Variants in KHDRBS2 observed in about 807,000 individuals in gnomAD.
KHDRBS2 encodes KH domain-containing, RNA-binding, signal transduction-associated protein 2.
A neutral mutation model predicts 44.3 loss-of-function variants in KHDRBS2; 26 were observed. The observed-to-expected ratio is 0.59, with a 90% confidence interval of 0.43 to 0.81. The LOEUF is 0.81. Ranked by LOEUF, KHDRBS2 falls within the 40% of genes least tolerant of loss-of-function variation. The pLI, the probability that KHDRBS2 is intolerant of heterozygous loss-of-function variation, is 0.00. For synonymous variants in KHDRBS2, 194 were observed against 151.1 expected (o/e 1.28, Z -2.08); for missense variants, 476 against 433.1 (o/e 1.10, Z -0.88).
intron 5 of KHDRBS2, among the ~76,000 whole-genome samples, chr6:61,898,235 A>C (rs1399703950): frequency 6.6e-6 from 1 of 151,996 alleles, no homozygotes; most frequent in Non-Finnish European, 1.5e-5. Context: ...AAGTTCTCTT[A>C]TTAATAAGAT....
chr6:61,954,410 C>T (rs962802501), intron 4 of KHDRBS2, among the ~76,000 whole-genome samples: 7 of 82,084 alleles, frequency 8.5e-5, no homozygotes, highest in African/African-American at 2.0e-4. Context: ...TGTATGCATG[C>T]ATACATATAT....
intron 1 of KHDRBS2, among the ~76,000 whole-genome samples, chr6:62,267,167 G>A (rs550952454): frequency 3.9e-5 from 6 of 152,142 alleles, no homozygotes; most frequent in South Asian, 4.1e-4. Flanking sequence ...ACAATCATCA[G>A]AAAAGGACAT....
chr6:61,956,196 A>G (rs79305875), intron 4 of KHDRBS2, among the ~76,000 whole-genome samples: 5 of 151,312 alleles, frequency 3.3e-5, no homozygotes, highest in African/African-American at 1.2e-4. Flanking sequence ...CCTTGTCAAA[A>G]AAAAACAAAA....
intron 1 of KHDRBS2, among the ~76,000 whole-genome samples, chr6:62,250,461 T>C (rs1377214835): frequency 6.6e-6 from 1 of 151,908 alleles, no homozygotes; most frequent in Non-Finnish European, 1.5e-5. Flanking sequence ...TAGGAAACAT[T>C]TCAGATATAG....
At chr6:61,598,532 AAGTC>A in the KHDRBS2 span, among the ~76,000 whole-genome samples, 6 of 152,224 alleles carry the variant, frequency 3.9e-5, no homozygotes, top group Admixed American at 3.3e-4. Flanking sequence ...TTAAAAGAGA[AAGTC>A]AGTAAGACAG....
At chr6:62,009,942 C>A (rs966742987) in intron 3 of KHDRBS2, among the ~76,000 whole-genome samples, 1 of 152,104 alleles carries the variant, frequency 6.6e-6, no homozygotes, top group African/African-American at 2.4e-5. Context: ...GGGGTTGGAG[C>A]CCCCATACAG....
At chr6:62,216,579 G>A (rs757817031) in intron 1 of KHDRBS2, among the ~76,000 whole-genome samples, 5 of 151,564 alleles carry the variant, frequency 3.3e-5, no homozygotes, top group Non-Finnish European at 7.4e-5. Flanking sequence ...AGTTCCACAG[G>A]AGTCTTTATA....
chr6:61,722,262 C>A (rs1041708241), intron 7 of KHDRBS2, among the ~76,000 whole-genome samples: 8 of 152,072 alleles, frequency 5.3e-5, no homozygotes, highest in African/African-American at 1.2e-4. Context: ...TGTCTCTGCC[C>A]GGCTTTGGTA....
the KHDRBS2 span, among the ~76,000 whole-genome samples, chr6:61,670,753 A>G: frequency 6.6e-6 from 1 of 151,422 alleles, no homozygotes; most frequent in African/African-American, 2.4e-5. Context: ...TACTTTATAG[A>G]TAAGAAATCA....
intron 7 of KHDRBS2, among the ~76,000 whole-genome samples, chr6:61,700,385 A>T (rs748468949): frequency 4.0e-5 from 6 of 150,444 alleles, no homozygotes; most frequent in Non-Finnish European, 8.9e-5. Flanking sequence ...GCAAGAGGGA[A>T]TTTTAACTTT....
the KHDRBS2 span, among the ~76,000 whole-genome samples, chr6:61,587,343 T>C: frequency 1.4e-5 from 2 of 147,252 alleles, no homozygotes; most frequent in South Asian, 2.1e-4. Context: ...AGGGAGACTA[T>C]GAAGAGACAG....
chr6:61,626,074 A>G, the KHDRBS2 span, among the ~76,000 whole-genome samples: 3,267 of 152,298 alleles, frequency 0.021, 117 homozygotes, highest in African/African-American at 0.074. Context: ...CAAAATTCCA[A>G]TATAGTGTAT....
At chr6:61,796,567 T>C (rs1785381793) in intron 6 of KHDRBS2, among the ~76,000 whole-genome samples, 1 of 152,052 alleles carries the variant, frequency 6.6e-6, no homozygotes, top group Admixed American at 6.6e-5. Flanking sequence ...TATTAGTAAA[T>C]GATTTTATAC....
intron 7 of KHDRBS2, among the ~76,000 whole-genome samples, chr6:61,720,564 C>G (rs1365983495): frequency 1.3e-5 from 2 of 152,180 alleles, no homozygotes; most frequent in African/African-American, 4.8e-5. Flanking sequence ...TTTTTGGCAG[C>G]ATAAATGTCT....
At chr6:62,212,631 C>T (rs1008133634) in intron 1 of KHDRBS2, among the ~76,000 whole-genome samples, 4 of 152,024 alleles carry the variant, frequency 2.6e-5, no homozygotes, top group Non-Finnish European at 5.9e-5. Context: ...AGAGAGAATG[C>T]CATGTGAAGA....
intron 4 of KHDRBS2, among the ~76,000 whole-genome samples, chr6:61,927,937 C>T (rs933002839): frequency 6.6e-6 from 1 of 152,032 alleles, no homozygotes; most frequent in African/African-American, 2.4e-5. Flanking sequence ...ATCTGTTATG[C>T]AGATACAGAG....
At chr6:62,110,709 G>A (rs1335031998) in intron 2 of KHDRBS2, among the ~76,000 whole-genome samples, 1 of 152,018 alleles carries the variant, frequency 6.6e-6, no homozygotes, top group South Asian at 2.1e-4. Context: ...CTGGGGACTA[G>A]GTCAGGTAGA....
intron 4 of KHDRBS2, among the ~76,000 whole-genome samples, chr6:61,965,289 T>A (rs2127395559): frequency 6.6e-6 from 1 of 152,104 alleles, no homozygotes; most frequent in East Asian, 1.9e-4. Context: ...CTTCAAAGTC[T>A]TGGAAAGAGG....
chr6:61,687,404 A>G (rs1045255891), intron 8 of KHDRBS2, among the ~76,000 whole-genome samples: 2 of 151,794 alleles, frequency 1.3e-5, no homozygotes, highest in Non-Finnish European at 2.9e-5. Context: ...TCTCAACCCT[A>G]AAATCTTACC....
Sources: allele counts gnomAD v4.1 joint callset (sites outside exome capture counted in the v4.1 genomes callset), GRCh38; gene constraint gnomAD v4.1.1; transcripts MANE v1.5; gene names NCBI Gene and HGNC (gene_info 2026-07-23, HGNC 2026-07-21).